Variants in CHRM2 observed in about 807,000 individuals in gnomAD.
The protein encoded by CHRM2 is cholinergic receptor muscarinic 2.
Under a neutral mutation model 25.0 loss-of-function variants are expected in CHRM2, and 8 were observed. The observed-to-expected ratio is 0.32, with a 90% CI of 0.19 to 0.58. The LOEUF (loss-of-function observed/expected upper bound fraction) is 0.58. Among genes scored for constraint, CHRM2 ranks in the 20% least tolerant of loss-of-function variants. The pLI, the probability that CHRM2 is intolerant of heterozygous loss-of-function variation, is 0.88. For synonymous variants in CHRM2, 202 were observed against 205.7 expected, an observed-to-expected ratio of 0.98 and a Z score of 0.15; for missense variants, 440 against 567.1, an observed-to-expected ratio of 0.78 and a Z score of 2.28.
chr7:136,871,804 G>C (rs1795851988), intron 2 of CHRM2: 1 of 152,320 alleles, frequency 6.6e-6, no homozygotes, highest in East Asian at 1.9e-4. Context: ...TTTGAGACTT[G>C]TCAAACGAAT....
intron 2 of CHRM2, among the ~76,000 whole-genome samples, chr7:136,949,511 C>A (rs1459723113): frequency 6.7e-6 from 1 of 149,224 alleles, no homozygotes; most frequent in Non-Finnish European, 1.5e-5. Context: ...ACTTGCAGTC[C>A]TAGCTACTTT....
chr7:136,969,946 C>T (rs1452534633), intron 2 of CHRM2, among the ~76,000 whole-genome samples: 1 of 152,136 alleles, frequency 6.6e-6, no homozygotes, highest in African/African-American at 2.4e-5. Flanking sequence ...TGGTTTAGGC[C>T]AATTCAGTTC....
At chr7:136,894,067 T>A (rs1796795710) in intron 2 of CHRM2, among the ~76,000 whole-genome samples, 1 of 152,166 alleles carries the variant, frequency 6.6e-6, no homozygotes, top group Non-Finnish European at 1.5e-5. Context: ...TTGACTCTTC[T>A]TAATCCTATC....
chr7:136,963,185 T>C (rs1801204471), intron 2 of CHRM2, among the ~76,000 whole-genome samples: 1 of 151,994 alleles, frequency 6.6e-6, no homozygotes, highest in Non-Finnish European at 1.5e-5. Context: ...AAACAGAAGG[T>C]AAGACAGCAG....
intron 2 of CHRM2, among the ~76,000 whole-genome samples, chr7:136,872,944 A>G (rs1795897613): frequency 1.3e-5 from 2 of 152,236 alleles, no homozygotes; most frequent in South Asian, 4.1e-4. Context: ...CCCAGACACC[A>G]TTCTCAATCC....
rs1476180784 is a variant in CHRM2 at position 136,869,203 on chromosome 7, C to G, written c.-282-58C>G. On this transcript the variant is annotated intron_variant, in intron 1 of 3. Transcript: ENST00000680005. This position sits in a 1 kb window ranked among gnomAD's most constrained non-coding sequence, Gnocchi z 4.9. ...GTTCTCTCCCGCCTCTCCCGCCTCT[C>G]CCGCCCCACCCCTACAGTGTCTCGG... is the stretch of plus-strand genomic sequence containing the variant. The G allele has an allele frequency of 6.6e-6, 1 of 152,348 alleles. No homozygotes were observed. Among genetic ancestry groups the G allele is most frequent in the Non-Finnish European group, 1.5e-5 (1 of 68,154 alleles). The allele number at this position is 152,348 out of a possible 1,614,324, so 9.4% of individuals were successfully genotyped here.
At chr7:136,925,298 A>C (rs905863203) in intron 2 of CHRM2, among the ~76,000 whole-genome samples, 1 of 151,992 alleles carries the variant, frequency 6.6e-6, no homozygotes, top group African/African-American at 2.4e-5. Context: ...AGAAACTTCT[A>C]TCTTTTTTTA....
intron 3 of CHRM2, among the ~76,000 whole-genome samples, chr7:136,994,521 C>CTTTTTTTTTTTTTTTTT (rs757243972): frequency 2.2e-4 from 16 of 71,406 alleles, no homozygotes; most frequent in African/African-American, 5.7e-4. Context: ...TTTTTCTTTT[C>CTTTTTTTTTTTTTTTTT]TTTTTTTTTT....
intron 3 of CHRM2, among the ~76,000 whole-genome samples, chr7:137,010,919 C>T (rs149613156): frequency 1.6e-3 from 249 of 151,876 alleles, no homozygotes; most frequent in African/African-American, 5.7e-3. Flanking sequence ...GGAAACAGAG[C>T]GAGTGTGTAT....
chr7:137,004,572 T>C (rs1804292416), intron 3 of CHRM2, among the ~76,000 whole-genome samples: 1 of 152,156 alleles, frequency 6.6e-6, no homozygotes, highest in African/African-American at 2.4e-5. Flanking sequence ...CAGCATGTGA[T>C]GACTTATCTT....
At chr7:136,904,436 T>TA (rs1289329410) in intron 2 of CHRM2, among the ~76,000 whole-genome samples, 1 of 151,970 alleles carries the variant, frequency 6.6e-6, no homozygotes, top group African/African-American at 2.4e-5. Context: ...ATTTATCAAA[T>TA]AATTGTGCAT....
At chr7:136,900,671 G>C (rs1185798184) in intron 2 of CHRM2, among the ~76,000 whole-genome samples, 2 of 151,994 alleles carry the variant, frequency 1.3e-5, no homozygotes, top group African/African-American at 4.8e-5. Flanking sequence ...GCACAGAATT[G>C]CTCGTCTCAT....
chr7:136,959,938 G>A (rs1364191060), intron 2 of CHRM2, among the ~76,000 whole-genome samples: 2 of 151,940 alleles, frequency 1.3e-5, no homozygotes, highest in Non-Finnish European at 2.9e-5. Flanking sequence ...ACAAAAAGAA[G>A]GAAAAGTGAA....
chr7:136,921,277 C>G (rs1798415047), intron 2 of CHRM2, among the ~76,000 whole-genome samples: 1 of 152,138 alleles, frequency 6.6e-6, no homozygotes. Flanking sequence ...TCCTGGGTGC[C>G]TGAAGTGTCC....
chr7:137,014,076 T>C (rs1258104907), intron 3 of CHRM2, among the ~76,000 whole-genome samples: 5 of 152,046 alleles, frequency 3.3e-5, no homozygotes, highest in Non-Finnish European at 7.4e-5. Flanking sequence ...TCCAGAAATC[T>C]CTTTATGCTT....
chr7:136,885,478 T>C (rs1487619567), intron 2 of CHRM2, among the ~76,000 whole-genome samples: 2 of 152,246 alleles, frequency 1.3e-5, no homozygotes, highest in African/African-American at 4.8e-5. Context: ...TTCTGCTTTT[T>C]AAACTTACAT....
intron 2 of CHRM2, among the ~76,000 whole-genome samples, chr7:136,900,409 G>C (rs1265424819): frequency 2.6e-5 from 4 of 152,064 alleles, no homozygotes; most frequent in African/African-American, 9.7e-5. Flanking sequence ...ATTTTGAGCA[G>C]GAGGCTGCGT....
At chr7:136,881,450 G>A (rs540572733) in intron 2 of CHRM2, among the ~76,000 whole-genome samples, 6 of 151,874 alleles carry the variant, frequency 4.0e-5, no homozygotes, top group South Asian at 2.1e-4. Context: ...AGGCATTAGA[G>A]AAATATTTTT....
chr7:136,875,660 T>C (rs10954566), intron 2 of CHRM2, among the ~76,000 whole-genome samples: 25,035 of 152,186 alleles, frequency 0.16, 2,458 homozygotes, highest in Non-Finnish European at 0.23. Context: ...GTCGTTCTCC[T>C]GTTTAAAATT....
Sources: allele counts gnomAD v4.1 joint callset (sites outside exome capture counted in the v4.1 genomes callset), GRCh38; gene constraint gnomAD v4.1.1; non-coding constraint Gnocchi (gnomAD v3.1); transcripts MANE v1.5; gene names NCBI Gene and HGNC (gene_info 2026-07-23, HGNC 2026-07-21).